Variants in SLCO3A1 observed in about 807,000 individuals in gnomAD.
SLCO3A1 encodes solute carrier organic anion transporter family member 3A1.
In SLCO3A1, 27 loss-of-function variants were observed where a neutral mutation model predicts 63.1. That is an observed-to-expected ratio of 0.43 (90% confidence interval 0.32 to 0.59). The LOEUF (loss-of-function observed/expected upper bound fraction) is 0.59. SLCO3A1 is among the 20% of genes least tolerant of loss of function. The probability of loss-of-function intolerance (pLI) is 0.09; values close to 1 mark genes in which losing one functional copy is unlikely to be tolerated. For synonymous variants in SLCO3A1, 473 were observed against 409.9 expected (o/e 1.15, Z -1.86); for missense variants, 773 against 945.8 (o/e 0.82, Z 2.40).
chr15:92,062,565 G>C (rs374411518), intron 2 of SLCO3A1, among the ~76,000 whole-genome samples: 38 of 152,316 alleles, frequency 2.5e-4, no homozygotes, highest in African/African-American at 8.4e-4. Flanking sequence ...AGAAGGCTTG[G>C]AAAGAGAAGG....
At position 91,881,578 on chromosome 15, in the gene SLCO3A1, GA is replaced by G. The variant is rs1897587729; in HGVS notation, c.180+27493del. Among the ~76,000 whole-genome samples the G allele has an allele frequency of 7.5e-4, 4 of 5,316 alleles. No individual in the cohort carries two copies. In the South Asian group the frequency reaches 0.087, roughly 116 times the overall value. The allele number at this position is 5,316 out of a possible 152,430, so 3.5% of individuals were successfully genotyped here. ...TTAATATTTAAGCTGTTGACCTAAA[GA>G]AAGAAAGAAAGGGTTTTTAGCCTTG... On this transcript the variant is annotated intron_variant, in intron 1 of 9. Coordinates refer to ENST00000318445, the MANE Select transcript of SLCO3A1 (RefSeq NM_013272.4).
intron 1 of SLCO3A1, among the ~76,000 whole-genome samples, chr15:91,884,511 CA>C (rs776448274): frequency 0.014 from 1,453 of 102,280 alleles, 18 homozygotes; most frequent in African/African-American, 0.053. Context: ...GATTCTGTCT[CA>C]AAAAAAAAAA....
intron 2 of SLCO3A1, among the ~76,000 whole-genome samples, chr15:92,011,226 C>G (rs1384186172): frequency 6.6e-6 from 1 of 152,220 alleles, no homozygotes; most frequent in African/African-American, 2.4e-5. Flanking sequence ...TCTCAGATAT[C>G]CAAATGGCTC....
At chr15:92,140,361 G>A (rs2151580268) in intron 7 of SLCO3A1, among the ~76,000 whole-genome samples, 1 of 145,580 alleles carries the variant, frequency 6.9e-6, no homozygotes, top group South Asian at 2.3e-4. Context: ...TATAATCTCT[G>A]TTCTTTTACA....
chr15:91,977,028 C>G (rs1405834076), intron 2 of SLCO3A1, among the ~76,000 whole-genome samples: 1 of 152,058 alleles, frequency 6.6e-6, no homozygotes, highest in African/African-American at 2.4e-5. Context: ...GTGGGAATTT[C>G]CTCTTCCTGA....
At chr15:91,906,666 T>C (rs1416584396) in intron 1 of SLCO3A1, among the ~76,000 whole-genome samples, 1 of 152,238 alleles carries the variant, frequency 6.6e-6, no homozygotes, top group African/African-American at 2.4e-5. Context: ...TTGAAATCAT[T>C]ATTCTTAAAA....
At chr15:91,971,119 G>C (rs1306789390) in intron 2 of SLCO3A1, among the ~76,000 whole-genome samples, 1 of 152,066 alleles carries the variant, frequency 6.6e-6, no homozygotes, top group Non-Finnish European at 1.5e-5. Flanking sequence ...ACCTTGGCCG[G>C]GCGCGGTGGC....
At chr15:91,947,814 C>T (rs1044141479) in intron 2 of SLCO3A1, among the ~76,000 whole-genome samples, 6 of 152,298 alleles carry the variant, frequency 3.9e-5, no homozygotes, top group Middle Eastern at 3.4e-3. Context: ...CCCTGCTTGG[C>T]CCTAGCAGCC....
At chr15:91,977,981 C>T (rs187314150) in intron 2 of SLCO3A1, among the ~76,000 whole-genome samples, 63 of 152,254 alleles carry the variant, frequency 4.1e-4, no homozygotes, top group Middle Eastern at 6.8e-3. Context: ...TGAGTAGGCA[C>T]TCAGTAAACA....
chr15:92,053,793 A>G (rs956734498), intron 2 of SLCO3A1, among the ~76,000 whole-genome samples: 1 of 151,756 alleles, frequency 6.6e-6, no homozygotes, highest in Admixed American at 6.6e-5. Context: ...CATCATATCA[A>G]GGGCACATAC....
intron 2 of SLCO3A1, among the ~76,000 whole-genome samples, chr15:91,959,804 A>G (rs142953932): frequency 1.1e-3 from 162 of 152,166 alleles, no homozygotes; most frequent in African/African-American, 3.7e-3. Context: ...TTGTGCAACC[A>G]TTAGCACAAT....
At chr15:92,074,632 C>A (rs1435831686) in intron 2 of SLCO3A1, among the ~76,000 whole-genome samples, 1 of 152,176 alleles carries the variant, frequency 6.6e-6, no homozygotes, top group Non-Finnish European at 1.5e-5. Flanking sequence ...TGAGTTAGAA[C>A]CCCGATGCTC....
chr15:92,164,010 T>A lies in SLCO3A1; in HGVS notation c.*875T>A. 1 of 984,754 alleles carries A rather than the reference T, an allele frequency of 1.0e-6. No individual in the cohort carries two copies. The highest frequency in any genetic ancestry group is 1.2e-6 in the Non-Finnish European group (1 of 829,940). The allele number at this position is 984,754 out of a possible 1,614,324, so 61.0% of individuals were successfully genotyped here. ...CGCAGTCCAAGTCATTTGCTTACAT[T>A]TGCCAAAAACATTTTGCCATTTTTA... On this transcript the variant is annotated 3_prime_UTR_variant, in exon 10 of 10. Transcript: ENST00000318445.
At position 91,955,888 on chromosome 15, in the gene SLCO3A1, G is replaced by C. The variant is rs1597154409; in HGVS notation, c.646+39430G>C. On this transcript the variant is annotated intron_variant, in intron 2 of 9. Transcript: ENST00000318445. ...AGCTTTCTTTAGGGCAGAGGTGTGA[G>C]TTCATAATGCCTAGACAGGTTCTAA... 2.0e-5 allele frequency among the ~76,000 whole-genome samples: 3 copies of C among 152,298 alleles called. No homozygotes were observed. In the South Asian group the frequency reaches 6.2e-4, roughly 32 times the overall value.
chr15:92,060,505 T>G (rs2047073933), intron 2 of SLCO3A1, among the ~76,000 whole-genome samples: 1 of 126,488 alleles, frequency 7.9e-6, no homozygotes, highest in African/African-American at 3.4e-5. Flanking sequence ...GTGAGCCGAG[T>G]TTTTTTTTTT....
chr15:92,114,450 G>C (rs374870715), intron 4 of SLCO3A1, among the ~76,000 whole-genome samples: 2 of 152,114 alleles, frequency 1.3e-5, no homozygotes, highest in African/African-American at 4.8e-5. Context: ...TCTGGCTTGG[G>C]AGATGAGAAG....
chr15:92,147,309 G>C (rs751028152), intron 8 of SLCO3A1, 150 bp downstream of exon 8: 8 of 725,748 alleles, frequency 1.1e-5, no homozygotes, highest in Admixed American at 3.0e-5. Flanking sequence ...AGGCTGATAG[G>C]AATCAATTAT....
intron 3 of SLCO3A1, among the ~76,000 whole-genome samples, chr15:92,101,384 C>T (rs963793984): frequency 6.6e-5 from 10 of 152,060 alleles, no homozygotes; most frequent in African/African-American, 2.4e-4. Context: ...TGGTGGGCAC[C>T]TGTAATCTCA....
intron 2 of SLCO3A1, among the ~76,000 whole-genome samples, chr15:91,969,762 C>A (rs1900790693): frequency 6.6e-6 from 1 of 152,168 alleles, no homozygotes; most frequent in African/African-American, 2.4e-5. Context: ...TTATATTCTC[C>A]CAAGAGAAGT....
Sources: allele counts gnomAD v4.1 joint callset (sites outside exome capture counted in the v4.1 genomes callset), GRCh38; gene constraint gnomAD v4.1.1; transcripts MANE v1.5; gene names NCBI Gene and HGNC (gene_info 2026-07-23, HGNC 2026-07-21).